Variants in RRN3 observed in about 807,000 individuals in gnomAD.
RRN3 encodes the protein RNA polymerase I-specific transcription initiation factor RRN3.
A neutral mutation model predicts 82.3 loss-of-function variants in RRN3; 38 were observed. The observed-to-expected ratio is 0.46, with a 90% confidence interval of 0.36 to 0.61. The LOEUF (loss-of-function observed/expected upper bound fraction) is 0.61, where lower values mean the gene tolerates loss of function less well. RRN3 is among the 20% of genes least tolerant of loss of function. The pLI is 0.00. For missense variants in RRN3, 726 were observed against 793.1 expected, an observed-to-expected ratio of 0.92 and a Z score of 1.02; for synonymous variants, 284 against 284.3, an observed-to-expected ratio of 1.00 and a Z score of 0.01.
intron 12 of RRN3, 101 bp from the exon 13 acceptor site, chr16:15,071,352 C>G (rs2045219423): frequency 9.1e-7 from 1 of 1,101,804 alleles, no homozygotes; most frequent in African/African-American, 1.6e-5. Context: ...GGGAAAAGTT[C>G]TACTATCTCA....
chr16:15,074,663 G>A, intron 11 of RRN3, 60 bp downstream of exon 11: 9 of 1,292,088 alleles, frequency 7.0e-6, no homozygotes, highest in Non-Finnish European at 7.5e-6. Flanking sequence ...GATGGAAAAT[G>A]CCCAGCACAA....
chr16:15,092,590 C>A lies in RRN3; in HGVS notation c.114G>T (p.Glu38Asp). 2 of 1,611,868 alleles carry A rather than the reference C, an allele frequency of 1.2e-6. No individual in the cohort carries two copies. Among genetic ancestry groups the A allele is most frequent in the Non-Finnish European group, 1.7e-6 (2 of 1,178,038 alleles). ...RTGISNMRAL[E>D]NDFFNSPPRK... is the part of the protein sequence containing the mutation. ...TTGGGGGAGAATTGAAAAAGTCATT[C>A]TCTAATGCACGCATATTTGAAATCC... The change falls in exon 2 of 18, where the codon GAG becomes GAT. Residue 38 changes from glutamate to aspartate, a missense_variant. Physicochemically the swap from Glu to Asp is conservative, Grantham distance 45. Transcript: ENST00000198767.
chr16:15,067,912 C>G (rs2045045901), intron 15 of RRN3, among the ~76,000 whole-genome samples: 1 of 151,794 alleles, frequency 6.6e-6, no homozygotes, highest in Non-Finnish European at 1.5e-5. Flanking sequence ...CACAGGCAAC[C>G]ACACCCAGCT....
At chr16:15,067,685 G>A (rs1013246582) in intron 15 of RRN3, among the ~76,000 whole-genome samples, 1 of 151,882 alleles carries the variant, frequency 6.6e-6, no homozygotes, top group Non-Finnish European at 1.5e-5. Context: ...TGGATAAGAA[G>A]TAGTAGTAAT....
intron 9 of RRN3, among the ~76,000 whole-genome samples, chr16:15,078,725 G>C: frequency 6.6e-6 from 1 of 151,744 alleles, no homozygotes. Context: ...GACTGCCTGT[G>C]AGTATTCTCT....
intron 8 of RRN3, among the ~76,000 whole-genome samples, chr16:15,083,155 C>T (rs1425631485): frequency 2.0e-5 from 3 of 152,218 alleles, no homozygotes; most frequent in Admixed American, 6.5e-5. Context: ...AATCCCAGCA[C>T]TTTGGGAGGC....
At chr16:15,090,078 C>T (rs2046072013) in intron 3 of RRN3, among the ~76,000 whole-genome samples, 2 of 151,772 alleles carry the variant, frequency 1.3e-5, no homozygotes, top group African/African-American at 4.8e-5. Flanking sequence ...GGCATGGTGG[C>T]GGGTGCCTGT....
chr16:15,087,883 G>A (rs532216084), intron 3 of RRN3, among the ~76,000 whole-genome samples: 13 of 152,186 alleles, frequency 8.5e-5, no homozygotes, highest in Non-Finnish European at 1.9e-4. Context: ...GGGAGGCCGA[G>A]GTGGGTGGAT....
intron 12 of RRN3, among the ~76,000 whole-genome samples, chr16:15,071,784 A>G (rs1305743188): frequency 6.6e-6 from 1 of 152,120 alleles, no homozygotes; most frequent in Non-Finnish European, 1.5e-5. Flanking sequence ...CAAACAAACA[A>G]AAAACAACAA....
intron 3 of RRN3, among the ~76,000 whole-genome samples, chr16:15,089,535 T>C (rs1050487551): frequency 3.0e-4 from 46 of 152,214 alleles, no homozygotes; most frequent in Non-Finnish European, 5.4e-4. Flanking sequence ...GCGTGGTTAC[T>C]CACGCCTCTA....
chr16:15,064,244 C>T (rs1051532772), intron 16 of RRN3, among the ~76,000 whole-genome samples: 6 of 151,914 alleles, frequency 3.9e-5, no homozygotes, highest in African/African-American at 1.5e-4. Context: ...GGTGCAATCT[C>T]GGCTCACTGC....
At chr16:15,083,866 G>A (rs1005129499) in intron 7 of RRN3, 16 of 311,634 alleles carry the variant, frequency 5.1e-5, no homozygotes, top group Non-Finnish European at 7.3e-5. Flanking sequence ...ACAGGCATGC[G>A]CCACCATGCC....
chr16:15,066,712 A>C (rs1464453414), intron 15 of RRN3, among the ~76,000 whole-genome samples: 2 of 151,602 alleles, frequency 1.3e-5, no homozygotes, highest in Admixed American at 6.6e-5. Flanking sequence ...CCAGAACATA[A>C]CACAGCAGTT....
chr16:15,065,414 T>A, intron 15 of RRN3, 43 bp from the exon 16 acceptor site: 1 of 1,585,934 alleles, frequency 6.3e-7, no homozygotes, highest in African/African-American at 1.3e-5. Flanking sequence ...ATTAACATGC[T>A]GGAGTGACTC....
intron 14 of RRN3, among the ~76,000 whole-genome samples, chr16:15,068,732 T>C (rs1401045635): frequency 6.6e-6 from 1 of 152,220 alleles, no homozygotes; most frequent in Non-Finnish European, 1.5e-5. Context: ...TGTAGTTTTT[T>C]TTCTAAACAA....
intron 14 of RRN3, among the ~76,000 whole-genome samples, chr16:15,068,888 CTT>C (rs2045097933): frequency 6.6e-6 from 1 of 152,118 alleles, no homozygotes; most frequent in African/African-American, 2.4e-5. Context: ...CCAACTTGTA[CTT>C]AAGTATATTT....
rs1050825037 is a variant in RRN3 at position 15,080,233 on chromosome 16, A to T, written c.667-137T>A. ...AAACAGACTATCCAGCAATACAAAA[A>T]CTATACTGTTTCTACATGTATTATG... On this transcript the variant is annotated intron_variant, in intron 8 of 17. Transcript: ENST00000198767. The T allele has an allele frequency of 1.3e-5, 15 of 1,119,282 alleles. No individual in the cohort carries two copies. The Admixed American group carries it at 4.0e-4, about 30-fold the overall frequency. 69.3% of individuals were successfully genotyped at this position (1,119,282 alleles called of 1,614,324 possible).
intron 15 of RRN3, among the ~76,000 whole-genome samples, chr16:15,067,322 G>C (rs1291392451): frequency 7.0e-6 from 1 of 143,672 alleles, no homozygotes; most frequent in Non-Finnish European, 1.5e-5. Context: ...GCTTACAAAG[G>C]AGCCAGACTA....
intron 12 of RRN3, 126 bp from the exon 13 acceptor site, chr16:15,071,377 G>A: frequency 2.3e-6 from 2 of 885,904 alleles, no homozygotes; most frequent in Non-Finnish European, 3.4e-6. Context: ...TATCTCATGG[G>A]CTTCATTTTT....
Sources: gnomAD v4.1 joint callset for allele counts (sites outside exome capture counted in the v4.1 genomes callset) on GRCh38, gnomAD v4.1.1 for gene constraint, MANE v1.5 for transcripts, NCBI Gene and HGNC (gene_info 2026-07-23, HGNC 2026-07-21) for gene names.